Variants in TANC1 observed in about 807,000 individuals in gnomAD.
TANC1 encodes the protein tetratricopeptide repeat, ankyrin repeat and coiled-coil containing 1, also known as protein TANC1.
In TANC1, 77 loss-of-function variants were observed where a neutral mutation model predicts 149.7. The ratio of observed to expected loss-of-function variants is 0.51; its 90% CI spans 0.43 to 0.62. The LOEUF (loss-of-function observed/expected upper bound fraction) is 0.62. Among genes scored for constraint, TANC1 ranks in the 20% least tolerant of loss-of-function variants. TANC1 has a pLI of 0.00. For missense variants in TANC1, 1,985 were observed against 2,321.8 expected (o/e 0.85, Z 2.98); for synonymous variants, 854 against 925.0 (o/e 0.92, Z 1.39).
At chr2:159,020,426 T>C (rs2038731933) in intron 2 of TANC1, among the ~76,000 whole-genome samples, 1 of 152,170 alleles carries the variant, frequency 6.6e-6, no homozygotes, top group African/African-American at 2.4e-5. Context: ...GCACCTGGCC[T>C]TAGAATAGGA....
chr2:159,053,704 A>G (rs991551811), intron 2 of TANC1, among the ~76,000 whole-genome samples: 2 of 152,206 alleles, frequency 1.3e-5, no homozygotes, highest in Non-Finnish European at 2.9e-5. Flanking sequence ...TGGGTTTTTC[A>G]TGAATACCAT....
chr2:159,066,143 CA>C (rs1367707188), intron 3 of TANC1, among the ~76,000 whole-genome samples, 172 bp downstream of exon 3: 5 of 152,304 alleles, frequency 3.3e-5, no homozygotes, highest in African/African-American at 1.2e-4. Flanking sequence ...CATGGTGACC[CA>C]CACCTGTAAT....
chr2:159,019,410 T>G (rs1441598270), intron 2 of TANC1, among the ~76,000 whole-genome samples: 1 of 152,182 alleles, frequency 6.6e-6, no homozygotes, highest in African/African-American at 2.4e-5. Context: ...CTTATTTATG[T>G]GTAACCTCCT....
chr2:159,171,149 G>A (rs2055159573), intron 10 of TANC1, among the ~76,000 whole-genome samples: 1 of 152,152 alleles, frequency 6.6e-6, no homozygotes, highest in Non-Finnish European at 1.5e-5. Flanking sequence ...AAGCTCAGAT[G>A]GACTCTAATG....
Position 159,097,897 on chromosome 2 carries a change from A to G in TANC1, c.259+63A>G, listed in dbSNP as rs923334703. 41 of 1,412,520 alleles carry G rather than the reference A, an allele frequency of 2.9e-5. No homozygotes were observed. In the Admixed American group the frequency reaches 6.2e-4, roughly 21 times the overall value. The allele number at this position is 1,412,520 out of a possible 1,614,324, so 87.5% of individuals were successfully genotyped here. ...GTAGTACCTGCATTGAAAATAAGCA[A>G]AACTAGTGCCCATGAGAAATCTTCT... On this transcript the variant is annotated intron_variant, in intron 4 of 26. Transcript: ENST00000263635.
chr2:159,225,884 TAGA>T, intron 24 of TANC1, 105 bp downstream of exon 24: 1 of 923,510 alleles, frequency 1.1e-6, no homozygotes, highest in Middle Eastern at 2.1e-4. Flanking sequence ...CTCCATGTAA[TAGA>T]AGTGCAAAAA....
At chr2:159,154,259 C>T (rs1257775565) in intron 7 of TANC1, among the ~76,000 whole-genome samples, 1 of 152,190 alleles carries the variant, frequency 6.6e-6, no homozygotes, top group Non-Finnish European at 1.5e-5. Context: ...CTAAACCATC[C>T]TTTAAAATTC....
In TANC1 at chr2:159,175,107, G is replaced by C. The variant is rs1248042456; in HGVS notation, c.1658G>C (p.Ser553Thr). Residue 553 changes from serine to threonine, a missense_variant, in exon 12 of 27, where the codon AGC (serine) becomes ACC (threonine). Physicochemically the swap from Ser to Thr is moderately conservative, Grantham distance 58. Around this residue, in one of 3 missense-constraint regions of TANC1, gnomAD observed 508 missense variants for 714.2 expected, o/e 0.71. Coordinates refer to ENST00000263635, the MANE Select transcript of TANC1 (RefSeq NM_033394.3). ...IKEPQLQSML[S>T]LRSCVQDPVA... ...GAGCCCCAACTACAGAGCATGCTGA[G>C]CCTCCGATCCTGTGTGCAGGACCCG... 6.2e-7 allele frequency: 1 copy of C among 1,614,078 alleles called. No individual in the cohort carries two copies. Among genetic ancestry groups the C allele is most frequent in the African/African-American group, 1.3e-5 (1 of 74,916 alleles).
chr2:159,129,153 T>C (rs994643008), intron 4 of TANC1, among the ~76,000 whole-genome samples: 1 of 152,234 alleles, frequency 6.6e-6, no homozygotes, highest in African/African-American at 2.4e-5. Flanking sequence ...ATGCAATAAG[T>C]AGCCTCAGGT....
chr2:159,170,867 G>A, intron 10 of TANC1, 62 bp downstream of exon 10: 1 of 1,556,462 alleles, frequency 6.4e-7, no homozygotes. Context: ...GGAAATTGCT[G>A]TTCACATAGA....
At chr2:159,204,456 G>A (rs769949489) in intron 19 of TANC1, among the ~76,000 whole-genome samples, 3 of 152,210 alleles carry the variant, frequency 2.0e-5, no homozygotes, top group Non-Finnish European at 4.4e-5. Context: ...ACAGCTAATA[G>A]CCAAGCATGG....
Position 158,993,355 on chromosome 2 carries a change from G to A in TANC1, c.-125-7725G>A, listed in dbSNP as rs529074445. Among the ~76,000 whole-genome samples the A allele has an allele frequency of 3.3e-5, 5 of 152,172 alleles. No individual in the cohort carries two copies. The South Asian group carries it at 8.3e-4, about 25-fold the overall frequency. Reference sequence around the variant, plus strand: ...TTACTTGAGCCTCCTAGGCTCAAGCGATCCTTCCACCTCAGCCTCCTGAGT... The same window carrying A: ...TTACTTGAGCCTCCTAGGCTCAAGCAATCCTTCCACCTCAGCCTCCTGAGT... On this transcript the variant is annotated intron_variant, in intron 1 of 26. Transcript: ENST00000263635.
At chr2:158,977,667 C>G (rs1008511121) in intron 1 of TANC1, among the ~76,000 whole-genome samples, 2 of 151,284 alleles carry the variant, frequency 1.3e-5, no homozygotes, top group African/African-American at 4.9e-5. Context: ...GCTTTGATAC[C>G]ACAATTTAAG....
At chr2:159,135,010 T>G (rs1383197068) in intron 4 of TANC1, among the ~76,000 whole-genome samples, 4 of 152,208 alleles carry the variant, frequency 2.6e-5, no homozygotes, top group African/African-American at 9.7e-5. Flanking sequence ...TTTAAATATA[T>G]TCATAGAGTT....
At chr2:159,087,153 C>T (rs945126190) in intron 3 of TANC1, among the ~76,000 whole-genome samples, 4 of 112,932 alleles carry the variant, frequency 3.5e-5, no homozygotes, top group Non-Finnish European at 5.9e-5. Flanking sequence ...TTCAAAAAGC[C>T]CGTTCCTGAA....
intron 2 of TANC1, among the ~76,000 whole-genome samples, chr2:159,012,900 T>C (rs2037908391): frequency 6.6e-6 from 1 of 152,308 alleles, no homozygotes; most frequent in East Asian, 1.9e-4. Context: ...GTGTTCCAAA[T>C]AAAGAAAAAT....
intron 7 of TANC1, among the ~76,000 whole-genome samples, chr2:159,154,834 C>A (rs972750320): frequency 2.0e-5 from 3 of 152,130 alleles, no homozygotes; most frequent in African/African-American, 7.2e-5. Flanking sequence ...AAAATCTTCT[C>A]AAGGTGAAAC....
intron 4 of TANC1, among the ~76,000 whole-genome samples, chr2:159,106,017 C>T (rs796281876): frequency 1.5e-4 from 23 of 151,602 alleles, no homozygotes; most frequent in African/African-American, 5.1e-4. Context: ...AATTAGGTTA[C>T]AGTGTTTTAT....
At chr2:159,229,006 A>C (rs2060189470) in intron 26 of TANC1, 110 bp downstream of exon 26, 1 of 789,284 alleles carries the variant, frequency 1.3e-6, no homozygotes, top group East Asian at 2.5e-5. Flanking sequence ...GGTGCCTCTC[A>C]TCCTTTTTAG....
Sources: allele counts gnomAD v4.1 joint callset (sites outside exome capture counted in the v4.1 genomes callset), GRCh38; gene constraint gnomAD v4.1.1; regional missense constraint gnomAD v4.1.1; transcripts MANE v1.5; gene names NCBI Gene and HGNC (gene_info 2026-07-23, HGNC 2026-07-21).